GSS: variants seen among roughly 807,000 people sequenced by gnomAD.
GSS encodes GSH synthetase.
GSS carries 34 observed loss-of-function variants against 60.4 expected under a neutral mutation model. The ratio of observed to expected loss-of-function variants is 0.56; its 90% CI spans 0.43 to 0.75. The LOEUF is 0.75. GSS is among the 30% of genes least tolerant of loss of function. GSS has a pLI of 0.00. For missense variants in GSS, 499 were observed against 595.1 expected (o/e 0.84, Z 1.68); for synonymous variants, 224 against 239.0 (o/e 0.94, Z 0.58).
intron 8 of GSS, 55 bp from the exon 9 acceptor site, chr20:34,935,697 T>G: frequency 7.5e-7 from 1 of 1,340,858 alleles, no homozygotes; most frequent in East Asian, 2.3e-5. Flanking sequence ...ATTTGTTCAG[T>G]GGTTCAATCT....
chr20:34,951,486 G>A (rs905856959), intron 2 of GSS: 6 of 529,912 alleles, frequency 1.1e-5, no homozygotes, highest in South Asian at 1.1e-4. Context: ...TACACCTGAA[G>A]AAACTGCAGC....
intron 1 of GSS, among the ~76,000 whole-genome samples, chr20:34,953,333 A>C (rs1307861729): frequency 6.6e-6 from 1 of 152,212 alleles, no homozygotes; most frequent in African/African-American, 2.4e-5. Flanking sequence ...GCCAATTATG[A>C]AAGTCTGCCA....
chr20:34,934,448 T>C (rs2081425196), intron 9 of GSS, among the ~76,000 whole-genome samples: 1 of 151,934 alleles, frequency 6.6e-6, no homozygotes, highest in Non-Finnish European at 1.5e-5. Flanking sequence ...GGCTAATTTT[T>C]GTATTTTTAG....
intron 6 of GSS, among the ~76,000 whole-genome samples, chr20:34,938,099 C>A (rs913603080): frequency 6.6e-6 from 1 of 152,182 alleles, no homozygotes; most frequent in Non-Finnish European, 1.5e-5. Flanking sequence ...CTCAGGTGAT[C>A]TGCCCGCCTC....
chr20:34,938,957 A>C (rs1213775984), intron 6 of GSS, among the ~76,000 whole-genome samples: 1 of 152,002 alleles, frequency 6.6e-6, no homozygotes, highest in East Asian at 1.9e-4. Context: ...TAAGAGTGTT[A>C]TGGCTGGGCA....
Position 34,952,004 on chromosome 20 carries a change from G to C in GSS, c.-8-144C>G, listed in dbSNP as rs546880952. 4.4e-5 allele frequency: 34 copies of C among 768,762 alleles called. No individual in the cohort carries two copies. The Admixed American group carries it at 6.8e-4, about 15-fold the overall frequency. 47.6% of individuals were successfully genotyped at this position (768,762 alleles called of 1,614,324 possible). A position where few individuals can be genotyped will look rare whatever the true frequency, so the allele number is the denominator to read the frequency against. Reference sequence around the variant, plus strand: ...GCGTGGTATACAGGAGTGAACACTGGCTGGTTCTAGCTCTTAACAACTTCC... The same window carrying C: ...GCGTGGTATACAGGAGTGAACACTGCCTGGTTCTAGCTCTTAACAACTTCC... On this transcript the variant is annotated intron_variant, in intron 1 of 12. Transcript: ENST00000651619.
At chr20:34,931,631 C>T in intron 10 of GSS, 1 of 647,302 alleles carries the variant, frequency 1.5e-6, no homozygotes, top group South Asian at 1.8e-5. Flanking sequence ...TTAGCAACAG[C>T]TCAGGGCTCT....
chr20:34,939,007 G>A (rs1405688451), intron 6 of GSS, among the ~76,000 whole-genome samples: 2 of 152,160 alleles, frequency 1.3e-5, no homozygotes, highest in Non-Finnish European at 1.5e-5. Context: ...TTAAGAGGCC[G>A]AGGCGGGCGG....
intron 2 of GSS, among the ~76,000 whole-genome samples, chr20:34,951,326 C>G (rs2081566642): frequency 6.6e-6 from 1 of 152,184 alleles, no homozygotes; most frequent in African/African-American, 2.4e-5. Context: ...CAGAGAAAGG[C>G]TTGAAAGCAT....
At chr20:34,944,394 A>G (rs2081505647) in intron 3 of GSS, among the ~76,000 whole-genome samples, 1 of 152,196 alleles carries the variant, frequency 6.6e-6, no homozygotes. Flanking sequence ...GCCCATTCCA[A>G]GAAACAGCTC....
At chr20:34,942,416 G>T in intron 5 of GSS, 72 bp downstream of exon 5, 1 of 1,419,616 alleles carries the variant, frequency 7.0e-7, no homozygotes, top group Non-Finnish European at 9.8e-7. Context: ...GAGTTCCCTG[G>T]CCTAGCCAGT....
Position 34,936,961 on chromosome 20 carries a change from T to A in GSS, c.671A>T (p.Glu224Val). Residue 224 changes from glutamate to valine, a missense_variant, in exon 7 of 13, where the codon GAG (glutamate) becomes GTG (valine). Transcript: ENST00000651619. ...TACTTACCTGGCCAGTAGCTCATTC[T>A]CTATGGCACGCTGGTCAAATATGTT... ...ERNIFDQRAIENELLARNIHV... is the reference protein window; with the variant it reads ...ERNIFDQRAIVNELLARNIHV... 6.2e-7 allele frequency: 1 copy of A among 1,613,952 alleles called. No individual in the cohort carries two copies. The highest frequency in any genetic ancestry group is 1.1e-5 in the South Asian group (1 of 91,082).
At chr20:34,951,556 A>G in intron 2 of GSS, 168 bp downstream of exon 2, 1 of 712,498 alleles carries the variant, frequency 1.4e-6, no homozygotes, top group East Asian at 2.7e-5. Flanking sequence ...AAATTTGATT[A>G]CTCCAGGACA....
At chr20:34,951,541 T>C (rs1268681986) in intron 2 of GSS, 183 bp downstream of exon 2, 3 of 658,574 alleles carry the variant, frequency 4.6e-6, no homozygotes, top group East Asian at 5.6e-5. Context: ...TCAAACCCCA[T>C]ATTTAAATTT....
intron 2 of GSS, among the ~76,000 whole-genome samples, chr20:34,951,235 T>A (rs1032869293): frequency 1.3e-5 from 2 of 152,274 alleles, no homozygotes; most frequent in South Asian, 4.1e-4. Flanking sequence ...CAAAAACATA[T>A]CATAGAATAA....
intron 2 of GSS, 133 bp from the exon 3 acceptor site, chr20:34,946,231 T>C (rs1398305206): frequency 5.9e-6 from 4 of 674,110 alleles, no homozygotes; most frequent in South Asian, 2.1e-5. Flanking sequence ...GTGGTTACCT[T>C]GGGAGAGTGG....
chr20:34,937,566 C>T (rs1015268643), intron 6 of GSS, among the ~76,000 whole-genome samples: 7 of 152,156 alleles, frequency 4.6e-5, no homozygotes, highest in Admixed American at 1.3e-4. Flanking sequence ...CTACAAACAA[C>T]GACATTATCT....
intron 11 of GSS, among the ~76,000 whole-genome samples, chr20:34,930,045 A>T (rs1056278834): frequency 2.6e-5 from 4 of 152,136 alleles, no homozygotes; most frequent in African/African-American, 9.7e-5. Flanking sequence ...AGGCAGGCAG[A>T]TCATGAGGTC....
intron 9 of GSS, among the ~76,000 whole-genome samples, chr20:34,934,611 C>A (rs2147124139): frequency 6.6e-6 from 1 of 152,266 alleles, no homozygotes; most frequent in African/African-American, 2.4e-5. Context: ...TTTATCTCTC[C>A]TGTAGTCAGC....
Sources: allele counts gnomAD v4.1 joint callset (sites outside exome capture counted in the v4.1 genomes callset), GRCh38; gene constraint gnomAD v4.1.1; transcripts MANE v1.5; gene names NCBI Gene and HGNC (gene_info 2026-07-23, HGNC 2026-07-21).